The following GPR107 variants were observed in gnomAD, a reference collection of about 807,000 sequenced individuals.
The protein encoded by GPR107 is G protein-coupled receptor 107.
A neutral mutation model predicts 75.5 loss-of-function variants in GPR107; 31 were observed. The ratio of observed to expected loss-of-function variants is 0.41; its 90% CI spans 0.31 to 0.55. GPR107 has a LOEUF of 0.55. Ranked by LOEUF, GPR107 falls within the 20% of genes least tolerant of loss-of-function variation. GPR107 has a pLI of 0.26. For missense variants in GPR107, 572 were observed against 665.7 expected (o/e 0.86, Z 1.55); for synonymous variants, 267 against 251.3 (o/e 1.06, Z -0.59).
At chr9:130,089,169 CAAA>C (rs998736204) in intron 7 of GPR107, among the ~76,000 whole-genome samples, 1 of 139,120 alleles carries the variant, frequency 7.2e-6, no homozygotes, top group African/African-American at 2.6e-5. Flanking sequence ...GACTCCATCT[CAAA>C]AAAAAAAAAG....
At chr9:130,117,208 T>C (rs578213252) in intron 14 of GPR107, among the ~76,000 whole-genome samples, 3 of 152,252 alleles carry the variant, frequency 2.0e-5, no homozygotes, top group East Asian at 3.9e-4. Context: ...CAGCCACCCA[T>C]AGTGCTGAGA....
At chr9:130,055,174 A>T (rs1829726910) in intron 1 of GPR107, among the ~76,000 whole-genome samples, 1 of 152,232 alleles carries the variant, frequency 6.6e-6, no homozygotes, top group Non-Finnish European at 1.5e-5. Context: ...TCTTCTAAGA[A>T]GTGGAACTGT....
chr9:130,062,416 A>AAAT (rs1468386427), intron 1 of GPR107, among the ~76,000 whole-genome samples: 2 of 77,036 alleles, frequency 2.6e-5, no homozygotes, highest in African/African-American at 1.1e-4. Context: ...CCTGTCTCGA[A>AAAT]AATGATAATA....
intron 1 of GPR107, among the ~76,000 whole-genome samples, chr9:130,063,357 AT>A (rs1203576416): frequency 2.6e-5 from 4 of 152,000 alleles, no homozygotes; most frequent in Non-Finnish European, 5.9e-5. Flanking sequence ...CATCCGGCAA[AT>A]TTTTTGTATT....
chr9:130,119,188 C>CACCCT, intron 14 of GPR107, among the ~76,000 whole-genome samples: 1 of 152,190 alleles, frequency 6.6e-6, no homozygotes, highest in Admixed American at 6.5e-5. Flanking sequence ...ATGCTGGTTT[C>CACCCT]ACCCTGCTCA....
At chr9:130,111,672 T>A (rs1482776152) in intron 14 of GPR107, among the ~76,000 whole-genome samples, 1 of 151,688 alleles carries the variant, frequency 6.6e-6, no homozygotes, top group East Asian at 1.9e-4. Context: ...CTTTCCGTTT[T>A]GGGGTGAATA....
intron 14 of GPR107, among the ~76,000 whole-genome samples, chr9:130,116,857 C>T (rs560518298): frequency 2.2e-4 from 34 of 152,006 alleles, no homozygotes; most frequent in South Asian, 8.3e-4. Flanking sequence ...GATATAATTT[C>T]GTTTACAATA....
intron 14 of GPR107, among the ~76,000 whole-genome samples, chr9:130,108,301 T>C (rs1361105749): frequency 6.6e-6 from 1 of 152,230 alleles, no homozygotes; most frequent in African/African-American, 2.4e-5. Flanking sequence ...GAATAATAAA[T>C]AAAACAGGTT....
Position 130,118,034 on chromosome 9 carries a change from G to A in GPR107, c.1307-6881G>A, listed in dbSNP as rs1312685955. 6.6e-5 allele frequency among the ~76,000 whole-genome samples: 10 copies of A among 152,308 alleles called. No homozygotes were observed. The South Asian group carries it at 2.1e-3, about 32-fold the overall frequency. ...AAGGTTATGAACTGCCTTTCCCTTA[G>A]CATGAAGCGTAGGTGTTAAGAGCTT... On this transcript the variant is annotated intron_variant, in intron 14 of 17. Transcript: ENST00000347136.
At chr9:130,071,035 C>CTTTTTTTTTTT (rs56799662) in intron 1 of GPR107, among the ~76,000 whole-genome samples, 2 of 98,178 alleles carry the variant, frequency 2.0e-5, no homozygotes, top group African/African-American at 4.2e-5. Flanking sequence ...TTTTTTTTTT[C>CTTTTTTTTTTT]TTTTTTTTTT....
At chr9:130,078,357 G>A (rs1830412346) in intron 4 of GPR107, among the ~76,000 whole-genome samples, 1 of 152,194 alleles carries the variant, frequency 6.6e-6, no homozygotes, top group East Asian at 1.9e-4. Context: ...AAGACTGGAG[G>A]TAAGAAGACT....
intron 14 of GPR107, among the ~76,000 whole-genome samples, chr9:130,116,022 C>A (rs1409621149): frequency 6.6e-6 from 1 of 152,238 alleles, no homozygotes; most frequent in Non-Finnish European, 1.5e-5. Flanking sequence ...ATGCCATCAA[C>A]TGAGTCGCAG....
Position 130,083,612 on chromosome 9 carries a change from A to G in GPR107, c.564+10A>G. On this transcript the variant is annotated intron_variant, in intron 6 of 17. Coordinates refer to ENST00000347136, the MANE Select transcript of GPR107 (RefSeq NM_020960.5). ...TACAGTGGATTCAAAGGTAAGAACT[A>G]ACCACCCTTTTGTGCTCAGCTTTTC... 2 of 1,506,748 alleles carry G rather than the reference A, an allele frequency of 1.3e-6. No individual in the cohort carries two copies. Among genetic ancestry groups the G allele is most frequent in the African/African-American group, 1.4e-5 (1 of 69,350 alleles). 93.3% of individuals were successfully genotyped at this position (1,506,748 alleles called of 1,614,324 possible).
intron 14 of GPR107, among the ~76,000 whole-genome samples, chr9:130,116,007 C>T (rs533637633): frequency 6.6e-6 from 1 of 152,198 alleles, no homozygotes; most frequent in African/African-American, 2.4e-5. Flanking sequence ...CACTCTATTC[C>T]TGTAATGCCA....
intron 9 of GPR107, among the ~76,000 whole-genome samples, chr9:130,095,916 C>G (rs1291575343): frequency 6.6e-6 from 1 of 152,168 alleles, no homozygotes; most frequent in Non-Finnish European, 1.5e-5. Flanking sequence ...CCCCTGAAAG[C>G]TGGAAACGAC....
At chr9:130,118,188 C>T (rs1003869564) in intron 14 of GPR107, among the ~76,000 whole-genome samples, 2 of 152,104 alleles carry the variant, frequency 1.3e-5, no homozygotes, top group African/African-American at 2.4e-5. Flanking sequence ...CAGAGGCCAT[C>T]GTGAGATGAA....
chr9:130,094,178 T>C (rs953985357), intron 9 of GPR107, among the ~76,000 whole-genome samples: 8 of 151,998 alleles, frequency 5.3e-5, no homozygotes, highest in South Asian at 2.1e-4. Flanking sequence ...GGCGCGGTGG[T>C]ACACGCCTGT....
At position 130,075,765 on chromosome 9, in the gene GPR107, T is replaced by C. The variant is rs748958341; in HGVS notation, c.255+16T>C. Reference sequence around the variant, plus strand: ...GGATGTGACTGTAAGTACCTTTTAATGAGATCCAGGGGTTTACTCTTTTTT... The same window carrying C: ...GGATGTGACTGTAAGTACCTTTTAACGAGATCCAGGGGTTTACTCTTTTTT... On this transcript the variant is annotated intron_variant, in intron 2 of 17. Coordinates refer to ENST00000347136, the MANE Select transcript of GPR107 (RefSeq NM_020960.5). 3.3e-6 allele frequency: 4 copies of C among 1,228,944 alleles called. No homozygotes were observed. Among genetic ancestry groups the C allele is most frequent in the Non-Finnish European group, 4.8e-6 (4 of 833,726 alleles). The allele number at this position is 1,228,944 out of a possible 1,614,324, so 76.1% of individuals were successfully genotyped here.
At chr9:130,119,219 C>T (rs565731414) in intron 14 of GPR107, among the ~76,000 whole-genome samples, 7 of 152,332 alleles carry the variant, frequency 4.6e-5, no homozygotes, top group South Asian at 2.1e-4. Flanking sequence ...CACCCCTGCT[C>T]GGCATCCTGA....
Sources: allele counts gnomAD v4.1 joint callset (sites outside exome capture counted in the v4.1 genomes callset), GRCh38; gene constraint gnomAD v4.1.1; transcripts MANE v1.5; gene names NCBI Gene and HGNC (gene_info 2026-07-23, HGNC 2026-07-21).